Variants in EPC1 observed in about 807,000 individuals in gnomAD.
The protein encoded by EPC1 is enhancer of polycomb 1.
EPC1 carries 12 observed loss-of-function variants against 98.4 expected under a neutral mutation model. The observed-to-expected ratio is 0.12, with a 90% CI of 0.08 to 0.20. EPC1 has a LOEUF of 0.20. Ranked by LOEUF, EPC1 falls within the 10% of genes least tolerant of loss-of-function variation. The pLI, the probability that EPC1 is intolerant of heterozygous loss-of-function variation, is 1.00. For missense variants in EPC1, 729 were observed against 990.5 expected (o/e 0.74, Z 3.54); for synonymous variants, 357 against 363.9 (o/e 0.98, Z 0.21).
chr10:32,303,116 C>T (rs532150468), intron 2 of EPC1, among the ~76,000 whole-genome samples: 1 of 152,230 alleles, frequency 6.6e-6, no homozygotes, highest in South Asian at 2.1e-4. Flanking sequence ...CCAGCCTGGC[C>T]AATATGGTGA....
intron 1 of EPC1, among the ~76,000 whole-genome samples, chr10:32,355,102 A>T (rs546394966): frequency 3.5e-4 from 53 of 152,304 alleles, no homozygotes; most frequent in African/African-American, 1.3e-3. Context: ...CCTCCCCTGG[A>T]TCCATAGAAA....
At chr10:32,270,786 C>A (rs1277814390) in intron 13 of EPC1, among the ~76,000 whole-genome samples, 2 of 127,968 alleles carry the variant, frequency 1.6e-5, no homozygotes, top group East Asian at 5.0e-4. Flanking sequence ...TGTGCCACTG[C>A]ACTCCAGCCT....
chr10:32,347,797 T>G (rs975147462), upstream of EPC1, among the ~76,000 whole-genome samples: 21 of 152,258 alleles, frequency 1.4e-4, no homozygotes, highest in Non-Finnish European at 1.9e-4. Context: ...TATTTTTATG[T>G]CCTAATGCAA....
chr10:32,367,022 G>T (rs3123642), intron 1 of EPC1, among the ~76,000 whole-genome samples: 82,884 of 151,294 alleles, frequency 0.55, 24,196 homozygotes, highest in East Asian at 0.69. Context: ...TTGAGAAAGA[G>T]TCTTGCTCTG....
chr10:32,298,784 T>C (rs1420231487), intron 2 of EPC1, among the ~76,000 whole-genome samples: 2 of 152,208 alleles, frequency 1.3e-5, no homozygotes, highest in Non-Finnish European at 2.9e-5. Flanking sequence ...CTCTGGTTGC[T>C]GTTATAGATT....
At chr10:32,339,600 A>G (rs548421881) in intron 1 of EPC1, among the ~76,000 whole-genome samples, 2 of 152,308 alleles carry the variant, frequency 1.3e-5, no homozygotes, top group African/African-American at 4.8e-5. Flanking sequence ...TCACAATCAT[A>G]TCATACAACT....
intron 1 of EPC1, among the ~76,000 whole-genome samples, chr10:32,330,547 C>T (rs755852077): frequency 1.3e-5 from 2 of 152,160 alleles, no homozygotes; most frequent in African/African-American, 2.4e-5. Flanking sequence ...TTTCATGCCA[C>T]TTTATTTAGT....
In EPC1 at chr10:32,305,978, G is replaced by A. The variant is rs756434385; in HGVS notation, c.154-47C>T. On this transcript the variant is annotated intron_variant, in intron 1 of 13. Coordinates refer to ENST00000319778, the MANE Select transcript of EPC1 (RefSeq NM_001272004.3). Reference sequence around the variant, plus strand: ...TAAGTTCATGTATTTTTAAAAAGCAGTAAACAGATCATATAGCCAAAAAGG... The same window carrying A: ...TAAGTTCATGTATTTTTAAAAAGCAATAAACAGATCATATAGCCAAAAAGG... The A allele has an allele frequency of 7.9e-6, 12 of 1,513,654 alleles. No homozygotes were observed. The South Asian group carries it at 1.5e-4, about 19-fold the overall frequency. 93.8% of individuals were successfully genotyped at this position (1,513,654 alleles called of 1,614,324 possible). A position where few individuals can be genotyped will look rare whatever the true frequency, so the allele number is the denominator to read the frequency against.
intron 6 of EPC1, among the ~76,000 whole-genome samples, chr10:32,290,008 C>T (rs1278283801): frequency 6.6e-6 from 1 of 152,096 alleles, no homozygotes; most frequent in African/African-American, 2.4e-5. Flanking sequence ...ATTAATGGCT[C>T]TCCTTTATTT....
chr10:32,345,442 A>T, intron 1 of EPC1: 1 of 985,344 alleles, frequency 1.0e-6, no homozygotes, highest in Non-Finnish European at 1.2e-6. Flanking sequence ...AAAAATTCTT[A>T]CAGTACCAAG....
Position 32,290,505 on chromosome 10 carries a change from A to AAAAAGAAAG in EPC1, c.975+657_975+658insCTTTCTTTT, listed in dbSNP as rs1554819136. 1.2e-3 allele frequency among the ~76,000 whole-genome samples: 95 copies of AAAAAGAAAG among 77,498 alleles called. 1 individual carries two copies. Among genetic ancestry groups the AAAAAGAAAG allele is most frequent in the African/African-American group, 3.5e-3 (63 of 18,072 alleles). The allele number at this position is 77,498 out of a possible 152,430, so 50.8% of individuals were successfully genotyped here. ...TGTCAAAAAAAAAAAAAAAAAAAAA[A>AAAAAGAAAG]AAAGAAAGAAAGAAAAACTCATCTG... On this transcript the variant is annotated intron_variant, in intron 6 of 13. Coordinates refer to ENST00000319778, the MANE Select transcript of EPC1 (RefSeq NM_001272004.3).
rs566037966 is a variant in EPC1, at chr10:32,358,654, G to A, written c.3+19837C>T. Among the ~76,000 whole-genome samples the A allele has an allele frequency of 6.0e-5, 9 of 149,170 alleles. No homozygotes were observed. In the East Asian group the frequency reaches 1.6e-3, roughly 26 times the overall value. On this transcript the variant is annotated intron_variant, in intron 1 of 13. Coordinates refer to the EPC1 transcript ENST00000375110. ...AGTAAAAAAAAAAAAAAAAGCGGGGGCGGGGGGGGAAGAAAGTGGGTTTAA... is the reference window on the plus strand; with the variant it reads ...AGTAAAAAAAAAAAAAAAAGCGGGGACGGGGGGGGAAGAAAGTGGGTTTAA...
Position 32,302,542 on chromosome 10 carries a change from C to T in EPC1, c.313+3230G>A, listed in dbSNP as rs561420129. Among the ~76,000 whole-genome samples the T allele has an allele frequency of 4.0e-5, 6 of 151,346 alleles. No individual in the cohort carries two copies. In the East Asian group the frequency reaches 5.9e-4, roughly 15 times the overall value. ...GCACGCGCCAGTAGTCCCAGCTACT[C>T]GGGAGGCTGAAGCAGAAGAATTGCT... On this transcript the variant is annotated intron_variant, in intron 2 of 13. Transcript: ENST00000319778.
At chr10:32,305,084 C>T (rs1835798879) in intron 2 of EPC1, among the ~76,000 whole-genome samples, 1 of 152,164 alleles carries the variant, frequency 6.6e-6, no homozygotes, top group Non-Finnish European at 1.5e-5. Flanking sequence ...CTATTCATCA[C>T]CAAATGTCAC....
At chr10:32,305,504 T>A (rs1399541066) in intron 2 of EPC1, among the ~76,000 whole-genome samples, 1 of 151,408 alleles carries the variant, frequency 6.6e-6, no homozygotes, top group South Asian at 2.1e-4. Flanking sequence ...TATCTGAGTT[T>A]TTTTTTTTTT....
chr10:32,301,069 T>A (rs1564534279), intron 2 of EPC1, among the ~76,000 whole-genome samples: 1 of 151,450 alleles, frequency 6.6e-6, no homozygotes. Flanking sequence ...TATCTATCTA[T>A]CTATCTATCT....
intron 1 of EPC1, among the ~76,000 whole-genome samples, chr10:32,332,824 T>G (rs1008807765): frequency 3.3e-5 from 5 of 152,248 alleles, no homozygotes; most frequent in Admixed American, 2.0e-4. Flanking sequence ...GAGTCCTCAC[T>G]GCTATAACAG....
intron 1 of EPC1, among the ~76,000 whole-genome samples, chr10:32,364,555 G>A (rs186457418): frequency 2.0e-5 from 3 of 152,198 alleles, no homozygotes; most frequent in African/African-American, 7.2e-5. Flanking sequence ...ATATCCCTGG[G>A]CTTCCATCTC....
intron 10 of EPC1, 56 bp from the exon 11 acceptor site, chr10:32,273,337 T>TA: frequency 6.4e-7 from 1 of 1,571,562 alleles, no homozygotes; most frequent in Non-Finnish European, 8.6e-7. Context: ...ATGTATGTCT[T>TA]ACAGTACTAA....
Sources: gnomAD v4.1 joint callset for allele counts (sites outside exome capture counted in the v4.1 genomes callset) on GRCh38, gnomAD v4.1.1 for gene constraint, MANE v1.5 for transcripts, NCBI Gene and HGNC (gene_info 2026-07-23, HGNC 2026-07-21) for gene names.